Variants in TASP1 observed in about 807,000 individuals in gnomAD.
TASP1 encodes the protein taspase 1.
In TASP1, 16 loss-of-function variants were observed where a neutral mutation model predicts 56.6. The observed-to-expected ratio is 0.28, with a 90% CI of 0.19 to 0.43. The LOEUF (loss-of-function observed/expected upper bound fraction) is 0.43, where lower values mean the gene tolerates loss of function less well. Among genes scored for constraint, TASP1 ranks in the 20% least tolerant of loss-of-function variants. The probability of loss-of-function intolerance (pLI) is 1.00; values close to 1 mark genes in which losing one functional copy is unlikely to be tolerated. For missense variants in TASP1, 393 were observed against 511.6 expected, an observed-to-expected ratio of 0.77 and a Z score of 2.24; for synonymous variants, 179 against 184.2, an observed-to-expected ratio of 0.97 and a Z score of 0.23.
chr20:13,191,008 T>C, the TASP1 span, among the ~76,000 whole-genome samples: 1 of 152,178 alleles, frequency 6.6e-6, no homozygotes, highest in Non-Finnish European at 1.5e-5. Context: ...TCAGTATCAC[T>C]AATCATCAAG....
At chr20:13,422,732 C>T (rs1395971525) in intron 12 of TASP1, among the ~76,000 whole-genome samples, 1 of 152,112 alleles carries the variant, frequency 6.6e-6, no homozygotes, top group African/African-American at 2.4e-5. Flanking sequence ...AAACATGGCA[C>T]AAAATAGGCC....
intron 6 of TASP1, among the ~76,000 whole-genome samples, chr20:13,571,676 GGTAATGGCAC>G (rs1184417535): frequency 6.6e-6 from 1 of 152,100 alleles, no homozygotes; most frequent in Non-Finnish European, 1.5e-5. Context: ...ATACAAGTCA[GGTAATGGCAC>G]TCCTCTTTCA....
At chr20:13,247,471 C>T in the TASP1 span, among the ~76,000 whole-genome samples, 6 of 151,112 alleles carry the variant, frequency 4.0e-5, no homozygotes, top group Admixed American at 1.3e-4. Flanking sequence ...ACACCTTCGC[C>T]GGATGCTGTG....
chr20:13,290,541 C>T, the TASP1 span, among the ~76,000 whole-genome samples: 7 of 151,862 alleles, frequency 4.6e-5, no homozygotes, highest in East Asian at 1.9e-4. Flanking sequence ...CCCAGCTACT[C>T]GGGAGGCTGA....
chr20:13,181,172 T>C, the TASP1 span, among the ~76,000 whole-genome samples: 4 of 152,188 alleles, frequency 2.6e-5, no homozygotes, highest in Non-Finnish European at 4.4e-5. Flanking sequence ...CCATGAGCCA[T>C]TGGAACTGGC....
chr20:13,293,101 G>A, the TASP1 span, among the ~76,000 whole-genome samples: 13 of 151,944 alleles, frequency 8.6e-5, no homozygotes, highest in East Asian at 1.9e-3. Flanking sequence ...TCGGGAGGCT[G>A]AGGCAGGAGA....
At chr20:13,210,269 AT>A in the TASP1 span, among the ~76,000 whole-genome samples, 1 of 152,140 alleles carries the variant, frequency 6.6e-6, no homozygotes, top group South Asian at 2.1e-4. Flanking sequence ...ACATGTTTGG[AT>A]TGTTTCCAGC....
At chr20:13,242,732 A>G in the TASP1 span, among the ~76,000 whole-genome samples, 1 of 152,168 alleles carries the variant, frequency 6.6e-6, no homozygotes, top group African/African-American at 2.4e-5. Flanking sequence ...TAAAAGCATC[A>G]GATGAGGGGT....
intron 4 of TASP1, among the ~76,000 whole-genome samples, chr20:13,605,008 ATATATG>A (rs2048097189): frequency 6.8e-6 from 1 of 146,690 alleles, no homozygotes; most frequent in Non-Finnish European, 1.5e-5. Context: ...ATATATATAT[ATATATG>A]TATTTCTTAT....
chr20:13,547,386 A>G (rs2045846126), intron 8 of TASP1, among the ~76,000 whole-genome samples: 1 of 152,234 alleles, frequency 6.6e-6, no homozygotes, highest in South Asian at 2.1e-4. Flanking sequence ...ATTATTAATT[A>G]CTGCTTATCC....
chr20:13,201,379 GT>G, the TASP1 span, among the ~76,000 whole-genome samples: 1 of 151,864 alleles, frequency 6.6e-6, no homozygotes, highest in Admixed American at 6.6e-5. Flanking sequence ...AGGGCTTGCT[GT>G]TGGATAGGCT....
At chr20:13,292,227 G>A in the TASP1 span, 2 of 611,304 alleles carry the variant, frequency 3.3e-6, no homozygotes, top group Non-Finnish European at 5.8e-6. Context: ...GCTTTTTACT[G>A]TTTCCTCTGT....
At chr20:13,427,393 T>C (rs1027355754) in intron 12 of TASP1, among the ~76,000 whole-genome samples, 1 of 152,230 alleles carries the variant, frequency 6.6e-6, no homozygotes, top group Non-Finnish European at 1.5e-5. Context: ...TGAGTTCTAA[T>C]TGGCCACAGT....
chr20:13,393,466 T>G, intron 13 of TASP1: 1 of 792,696 alleles, frequency 1.3e-6, no homozygotes, highest in Admixed American at 1.8e-5. Context: ...GTGAAGCAGG[T>G]GTCAGAGGGC....
At chr20:13,356,444 C>T in the TASP1 span, among the ~76,000 whole-genome samples, 1 of 152,220 alleles carries the variant, frequency 6.6e-6, no homozygotes, top group African/African-American at 2.4e-5. Context: ...CATAACTTAC[C>T]TATCAAAACT....
chr20:13,282,600 G>A, the TASP1 span, among the ~76,000 whole-genome samples: 2 of 152,188 alleles, frequency 1.3e-5, no homozygotes, highest in East Asian at 1.9e-4. Context: ...CACATCAGGA[G>A]CTCGTAGCAT....
chr20:13,464,865 A>G (rs75612151), intron 11 of TASP1, among the ~76,000 whole-genome samples: 4,959 of 152,150 alleles, frequency 0.033, 265 homozygotes, highest in African/African-American at 0.11. Context: ...AGAACTGTAC[A>G]CTTATGGTTA....
the TASP1 span, among the ~76,000 whole-genome samples, chr20:13,302,635 T>G: frequency 6.6e-6 from 1 of 152,186 alleles, no homozygotes; most frequent in Admixed American, 6.5e-5. Context: ...TTCTGTGGAA[T>G]TCTAAGGAAT....
the TASP1 span, among the ~76,000 whole-genome samples, chr20:13,362,685 C>T: frequency 4.6e-5 from 7 of 151,582 alleles, no homozygotes; most frequent in Non-Finnish European, 7.4e-5. Context: ...CATGGACGCG[C>T]ATGAAAGAAT....
Sources: gnomAD v4.1 joint callset for allele counts (sites outside exome capture counted in the v4.1 genomes callset) on GRCh38, gnomAD v4.1.1 for gene constraint, MANE v1.5 for transcripts, NCBI Gene and HGNC (gene_info 2026-07-23, HGNC 2026-07-21) for gene names.